Variants in COL25A1 observed in about 807,000 individuals in gnomAD.
COL25A1 encodes collagen alpha-1(XXV) chain.
COL25A1 carries 103 observed loss-of-function variants against 128.4 expected under a neutral mutation model. The ratio of observed to expected loss-of-function variants is 0.80; its 90% CI spans 0.68 to 0.94. COL25A1 has a LOEUF of 0.94. Among genes scored for constraint, COL25A1 ranks in the 40% least tolerant of loss-of-function variants. The pLI is 0.00. For missense variants in COL25A1, 745 were observed against 840.0 expected (o/e 0.89, Z 1.40); for synonymous variants, 279 against 277.2 (o/e 1.01, Z -0.06).
intron 5 of COL25A1, among the ~76,000 whole-genome samples, chr4:109,018,770 CAAT>C (rs1204669955): frequency 6.6e-6 from 1 of 152,110 alleles, no homozygotes; most frequent in Non-Finnish European, 1.5e-5. Flanking sequence ...AGAGGGTAGA[CAAT>C]AATATTTTTA....
intron 3 of COL25A1, among the ~76,000 whole-genome samples, chr4:109,265,998 C>G (rs1781765854): frequency 6.6e-6 from 1 of 150,672 alleles, no homozygotes; most frequent in South Asian, 2.1e-4. Flanking sequence ...ACCAATACTA[C>G]CTCCAAACAT....
At position 108,947,214 on chromosome 4, in the gene COL25A1, C is replaced by T. The variant is rs549364319; in HGVS notation, c.493-5777G>A. Among the ~76,000 whole-genome samples, 44 of 152,042 alleles carry T rather than the reference C, an allele frequency of 2.9e-4. 1 individual carries two copies. Among genetic ancestry groups the T allele is most frequent in the African/African-American group, 6.0e-4 (25 of 41,496 alleles). ...ATCCCAGCACTTTGGGAGGCTGAGG[C>T]GGGCAGATCACAAGGTCAGGAGTTC... is the stretch of plus-strand genomic sequence containing the variant. On this transcript the variant is annotated intron_variant, in intron 8 of 37. Coordinates refer to ENST00000399132, the MANE Select transcript of COL25A1 (RefSeq NM_198721.4).
At chr4:108,941,237 G>T in intron 9 of COL25A1, 129 bp downstream of exon 9, 1 of 567,522 alleles carries the variant, frequency 1.8e-6, no homozygotes, top group Non-Finnish European at 3.1e-6. Context: ...TTTGTTTGAG[G>T]ATATTTCCAA....
chr4:109,102,016 T>A (rs1765942003), intron 3 of COL25A1, among the ~76,000 whole-genome samples: 1 of 152,212 alleles, frequency 6.6e-6, no homozygotes, highest in Non-Finnish European at 1.5e-5. Context: ...ATATTTTGTC[T>A]CCCTTAGGAT....
In COL25A1 at chr4:109,170,690, A is replaced by G. The variant is rs1240852426; in HGVS notation, c.368-120511T>C. Among the ~76,000 whole-genome samples the G allele has an allele frequency of 2.6e-5, 4 of 152,340 alleles. No individual in the cohort carries two copies. In the South Asian group the frequency reaches 8.3e-4, roughly 32 times the overall value. ...TAAATGCATTTTCTTACTTGAACTC[A>G]GTAAGATTCCTTAAAATGAATAACA... is the stretch of plus-strand genomic sequence containing the variant. On this transcript the variant is annotated intron_variant, in intron 3 of 37. Coordinates refer to ENST00000399132, the MANE Select transcript of COL25A1 (RefSeq NM_198721.4).
At chr4:108,965,342 C>T (rs772464822) in intron 8 of COL25A1, among the ~76,000 whole-genome samples, 1 of 152,182 alleles carries the variant, frequency 6.6e-6, no homozygotes, top group African/African-American at 2.4e-5. Flanking sequence ...CCAATAACCA[C>T]TAAATCTCCT....
chr4:109,024,003 C>T (rs11098027), intron 5 of COL25A1, among the ~76,000 whole-genome samples: 76,476 of 152,060 alleles, frequency 0.5, 22,020 homozygotes, highest in African/African-American at 0.77. Flanking sequence ...CTTCTGTGTA[C>T]GTTATTTCAT....
intron 3 of COL25A1, among the ~76,000 whole-genome samples, chr4:109,068,393 GAGGA>G (rs1762637212): frequency 6.6e-6 from 1 of 151,968 alleles, no homozygotes; most frequent in Non-Finnish European, 1.5e-5. Flanking sequence ...GGGAGGGAGA[GAGGA>G]AGGAAGGAAA....
intron 3 of COL25A1, among the ~76,000 whole-genome samples, chr4:109,151,513 A>G (rs1212713435): frequency 6.6e-6 from 1 of 152,124 alleles, no homozygotes; most frequent in Non-Finnish European, 1.5e-5. Context: ...CAGTAACCTT[A>G]TTTTTAAAAA....
intron 24 of COL25A1, among the ~76,000 whole-genome samples, chr4:108,858,290 C>T (rs1736755136): frequency 6.6e-6 from 1 of 151,890 alleles, no homozygotes; most frequent in East Asian, 1.9e-4. Context: ...ATTAGAAGGA[C>T]CAGGAGGCAC....
chr4:108,856,304 T>C (rs1029969450), intron 24 of COL25A1, among the ~76,000 whole-genome samples: 15 of 152,178 alleles, frequency 9.9e-5, no homozygotes, highest in Non-Finnish European at 2.2e-4. Context: ...AAATAGCTTA[T>C]GGCAATGTTT....
At chr4:109,073,278 T>C (rs1189333295) in intron 3 of COL25A1, among the ~76,000 whole-genome samples, 4 of 152,306 alleles carry the variant, frequency 2.6e-5, no homozygotes, top group South Asian at 4.1e-4. Context: ...AAATCCTGAA[T>C]GTAACTTTGG....
At chr4:108,889,769 T>TA (rs1166167133) in intron 16 of COL25A1, 36 bp from the exon 17 acceptor site, 1 of 1,597,126 alleles carries the variant, frequency 6.3e-7, no homozygotes, top group South Asian at 1.1e-5. Context: ...TCTCACAAGT[T>TA]ATGGGAATAG....
intron 35 of COL25A1, among the ~76,000 whole-genome samples, chr4:108,822,080 G>C (rs1432796416): frequency 9.3e-6 from 1 of 107,322 alleles, no homozygotes; most frequent in Non-Finnish European, 1.9e-5. Context: ...TCTCACTCTT[G>C]TTGCCCAGGC....
intron 3 of COL25A1, among the ~76,000 whole-genome samples, chr4:109,238,786 C>T (rs1026926111): frequency 6.6e-6 from 1 of 151,988 alleles, no homozygotes. Context: ...ATCCTTGGTC[C>T]AGATTCCAGA....
Position 108,809,965 on chromosome 4 carries a change from T to A in COL25A1, c.*3962A>T, listed in dbSNP as rs1461241967. The A allele has an allele frequency of 8.7e-6, 1 of 115,568 alleles. No individual in the cohort carries two copies. The highest frequency in any genetic ancestry group is 2.1e-5 in the Non-Finnish European group (1 of 47,946). 7.2% of individuals were successfully genotyped at this position (115,568 alleles called of 1,614,324 possible). On this transcript the variant is annotated 3_prime_UTR_variant, in exon 38 of 38. Coordinates refer to ENST00000399132, the MANE Select transcript of COL25A1 (RefSeq NM_198721.4). ...AGCAGGAGCTCTTGTTTTTACAAAT[T>A]AGAAAATCCTATTTTTTTGTAGTGT...
chr4:108,913,753 A>T (rs1007007829), intron 13 of COL25A1, among the ~76,000 whole-genome samples: 3 of 152,258 alleles, frequency 2.0e-5, no homozygotes. Context: ...ATAAACAAAA[A>T]TTGTAGACAG....
intron 20 of COL25A1, among the ~76,000 whole-genome samples, 171 bp downstream of exon 20, chr4:108,868,915 AAG>A (rs942584251): frequency 1.3e-5 from 2 of 149,506 alleles, no homozygotes; most frequent in Admixed American, 6.9e-5. Context: ...AAAAGAAAGA[AAG>A]AGAAAGAAAA....
At chr4:109,211,074 T>C (rs1299062668) in intron 3 of COL25A1, among the ~76,000 whole-genome samples, 1 of 151,834 alleles carries the variant, frequency 6.6e-6, no homozygotes, top group East Asian at 1.9e-4. Context: ...TATCGGGTAC[T>C]ATGCTCATTA....
Sources: allele counts gnomAD v4.1 joint callset (sites outside exome capture counted in the v4.1 genomes callset), GRCh38; gene constraint gnomAD v4.1.1; transcripts MANE v1.5; gene names NCBI Gene and HGNC (gene_info 2026-07-23, HGNC 2026-07-21).